The following NUBPL variants were observed in gnomAD, a reference collection of about 807,000 sequenced individuals.
The protein encoded by NUBPL is NUBP iron-sulfur cluster assembly factor, mitochondrial, also known as iron-sulfur cluster transfer protein NUBPL.
NUBPL carries 31 observed loss-of-function variants against 45.7 expected under a neutral mutation model. The observed-to-expected ratio is 0.68, with a 90% CI of 0.51 to 0.92. The LOEUF is 0.92. NUBPL is among the 40% of genes least tolerant of loss of function. NUBPL has a pLI of 0.00. For missense variants in NUBPL, 401 were observed against 398.7 expected, an observed-to-expected ratio of 1.01 and a Z score of -0.05; for synonymous variants, 144 against 140.9, an observed-to-expected ratio of 1.02 and a Z score of -0.15.
At chr14:31,681,041 A>AGT (rs998914311) in intron 6 of NUBPL, among the ~76,000 whole-genome samples, 4 of 152,064 alleles carry the variant, frequency 2.6e-5, no homozygotes, top group African/African-American at 9.7e-5. Context: ...ATTTTTTTCA[A>AGT]GTGTTATATG....
chr14:31,669,207 A>T (rs998959054), intron 4 of NUBPL, among the ~76,000 whole-genome samples: 1 of 152,116 alleles, frequency 6.6e-6, no homozygotes, highest in Non-Finnish European at 1.5e-5. Context: ...TATTTATGGG[A>T]CACAATTTGA....
chr14:31,661,160 A>C (rs1162093336), intron 4 of NUBPL, among the ~76,000 whole-genome samples: 1 of 152,240 alleles, frequency 6.6e-6, no homozygotes, highest in Non-Finnish European at 1.5e-5. Flanking sequence ...TAGAGTGAGA[A>C]GGATGCAGCA....
At chr14:31,667,993 C>T (rs2036476948) in intron 4 of NUBPL, 1 of 152,902 alleles carries the variant, frequency 6.5e-6, no homozygotes, top group Admixed American at 6.5e-5. Flanking sequence ...TCTGTCAACT[C>T]CTGCTGGGAG....
chr14:31,829,058 G>A (rs1357960587), intron 8 of NUBPL, among the ~76,000 whole-genome samples: 1 of 152,162 alleles, frequency 6.6e-6, no homozygotes, highest in Non-Finnish European at 1.5e-5. Flanking sequence ...AGCTGTTTGG[G>A]ATCAGAAAGT....
At chr14:31,706,582 C>G (rs2037458351) in intron 6 of NUBPL, among the ~76,000 whole-genome samples, 1 of 152,040 alleles carries the variant, frequency 6.6e-6, no homozygotes, top group Admixed American at 6.6e-5. Context: ...GTGGCATCTT[C>G]TACTATCCCT....
chr14:31,621,815 A>G (rs112011700), intron 4 of NUBPL, among the ~76,000 whole-genome samples: 1,614 of 152,308 alleles, frequency 0.011, 24 homozygotes, highest in African/African-American at 0.037. Context: ...ACGTGTGAAA[A>G]TGGACTAATA....
At chr14:31,689,173 G>A (rs186393876) in intron 6 of NUBPL, among the ~76,000 whole-genome samples, 2 of 151,836 alleles carry the variant, frequency 1.3e-5, no homozygotes, top group Non-Finnish European at 2.9e-5. Context: ...TATTCTTTAG[G>A]GTATATACCC....
At chr14:31,739,440 G>A (rs569690445) in intron 6 of NUBPL, among the ~76,000 whole-genome samples, 92 of 151,854 alleles carry the variant, frequency 6.1e-4, no homozygotes, top group African/African-American at 2.1e-3. Flanking sequence ...AAAATAGAAT[G>A]CATGTGAGTA....
chr14:31,838,844 A>G (rs1173149444), intron 8 of NUBPL, among the ~76,000 whole-genome samples: 1 of 152,162 alleles, frequency 6.6e-6, no homozygotes, highest in African/African-American at 2.4e-5. Context: ...GTTAATTCAG[A>G]CTAGCCACAT....
intron 3 of NUBPL, among the ~76,000 whole-genome samples, chr14:31,594,266 A>G (rs1372670011): frequency 6.6e-6 from 1 of 152,096 alleles, no homozygotes; most frequent in Non-Finnish European, 1.5e-5. Context: ...AAAAACGAAA[A>G]AAAATTAGCT....
chr14:31,709,637 C>A (rs2037527091), intron 6 of NUBPL, among the ~76,000 whole-genome samples: 3 of 152,192 alleles, frequency 2.0e-5, no homozygotes. Context: ...TTGTCCTAGA[C>A]CCTGTAGGAC....
At chr14:31,641,916 A>G (rs1252272973) in intron 4 of NUBPL, among the ~76,000 whole-genome samples, 1 of 152,176 alleles carries the variant, frequency 6.6e-6, no homozygotes, top group Non-Finnish European at 1.5e-5. Flanking sequence ...TTTGATTTGC[A>G]TTTCTCTGAT....
At chr14:31,679,782 G>A (rs2036787080) in intron 6 of NUBPL, among the ~76,000 whole-genome samples, 1 of 152,078 alleles carries the variant, frequency 6.6e-6, no homozygotes, top group Non-Finnish European at 1.5e-5. Flanking sequence ...GTGCAGAAAA[G>A]CATGTTGATA....
intron 4 of NUBPL, among the ~76,000 whole-genome samples, chr14:31,610,000 TC>T (rs2034707865): frequency 6.6e-6 from 1 of 152,032 alleles, no homozygotes; most frequent in Admixed American, 6.6e-5. Context: ...TAACGATGCA[TC>T]TTAAAGAACT....
At chr14:31,701,886 C>A (rs1348746671) in intron 6 of NUBPL, among the ~76,000 whole-genome samples, 1 of 152,186 alleles carries the variant, frequency 6.6e-6, no homozygotes, top group Admixed American at 6.5e-5. Flanking sequence ...ACTTTCAAAT[C>A]ATTTTTATTC....
At chr14:31,810,259 T>C (rs983698788) in intron 7 of NUBPL, among the ~76,000 whole-genome samples, 10 of 152,182 alleles carry the variant, frequency 6.6e-5, no homozygotes, top group Non-Finnish European at 1.2e-4. Flanking sequence ...TCTAAGTCTC[T>C]TTTTAGGTCT....
At chr14:31,664,047 T>G (rs1213530005) in intron 4 of NUBPL, among the ~76,000 whole-genome samples, 3 of 152,196 alleles carry the variant, frequency 2.0e-5, no homozygotes, top group Non-Finnish European at 4.4e-5. Flanking sequence ...TTGTCTGTTA[T>G]TGGTGTATAG....
At chr14:31,760,144 T>TGTGTGTGTGTGAGAGAGAGAGAGAGAGA in intron 6 of NUBPL, among the ~76,000 whole-genome samples, 20 of 34,834 alleles carry the variant, frequency 5.7e-4, no homozygotes, top group African/African-American at 1.7e-3. Flanking sequence ...TGTGTGTGTG[T>TGTGTGTGTGTGAGAGAGAGAGAGAGAGA]GAGAGAGAGA....
At chr14:31,727,582 C>T (rs1265257075) in intron 6 of NUBPL, among the ~76,000 whole-genome samples, 1 of 152,080 alleles carries the variant, frequency 6.6e-6, no homozygotes, top group Non-Finnish European at 1.5e-5. Context: ...ATATTTTGGT[C>T]TTAGTGTAGA....
Sources: gnomAD v4.1 joint callset for allele counts (sites outside exome capture counted in the v4.1 genomes callset) on GRCh38, gnomAD v4.1.1 for gene constraint, MANE v1.5 for transcripts, NCBI Gene and HGNC (gene_info 2026-07-23, HGNC 2026-07-21) for gene names.